The following ASB2 variants were observed in gnomAD, a reference collection of about 807,000 sequenced individuals.
The protein encoded by ASB2 is ankyrin repeat and SOCS box containing 2, also known as ankyrin repeat and SOCS box protein 2.
In ASB2, 58 loss-of-function variants were observed where a neutral mutation model predicts 62.4. That is an observed-to-expected ratio of 0.93 (90% CI 0.75 to 1.16). ASB2 has a LOEUF of 1.16. Among genes scored for constraint, ASB2 ranks in the 50% most tolerant of loss-of-function variants. The pLI, the probability that ASB2 is intolerant of heterozygous loss-of-function variation, is 0.00. For missense variants in ASB2, 928 were observed against 887.9 expected (o/e 1.05, Z -0.57); for synonymous variants, 386 against 385.3 (o/e 1.00, Z -0.02).
In ASB2 at chr14:93,956,798, G is replaced by C. The variant is rs1383807470; in HGVS notation, c.279C>G (p.Tyr93Ter). 6.2e-7 allele frequency: 1 copy of C among 1,614,244 alleles called. No homozygotes were observed. The highest frequency in any genetic ancestry group is 8.5e-7 in the Non-Finnish European group (1 of 1,180,046). The change falls in exon 3 of 10, where the codon TAC becomes TAG. Residue 93 changes from tyrosine (Y) to a stop codon, truncating the protein, a stop_gained. Transcript: ENST00000555019. LOFTEE classifies it high-confidence loss of function. ...GGGAGGTCTTGAACAAGCTGCTGCT[G>C]TATTTCTGCATGACCCCTTGGAACA... ...MGLFQGVMQK[Y>*]SSSLFKTSQL...
intron 1 of ASB2, among the ~76,000 whole-genome samples, chr14:93,967,867 A>G (rs1241563923): frequency 1.3e-5 from 2 of 151,960 alleles, no homozygotes; most frequent in African/African-American, 4.8e-5. Flanking sequence ...CAATTCTGCA[A>G]CTTACTAGCT....
At chr14:93,960,019 G>A (rs964906864) in intron 2 of ASB2, among the ~76,000 whole-genome samples, 2 of 150,842 alleles carry the variant, frequency 1.3e-5, no homozygotes, top group Non-Finnish European at 2.9e-5. Context: ...TCCACCCCAC[G>A]CCCACCACTG....
At chr14:93,955,928 C>G (rs1889178205) in intron 3 of ASB2, among the ~76,000 whole-genome samples, 1 of 152,166 alleles carries the variant, frequency 6.6e-6, no homozygotes, top group Non-Finnish European at 1.5e-5. Flanking sequence ...GTAGCTGAGA[C>G]CAGCTCTGGG....
Position 93,939,330 on chromosome 14 carries a change from C to A in ASB2, c.1395G>T (p.Ala465=), listed in dbSNP as rs767488258. Residue 465 remains alanine (A), a synonymous_variant, in exon 8 of 10, where the codon GCG becomes GCT. Coordinates refer to ENST00000555019, the MANE Select transcript of ASB2 (RefSeq NM_001202429.2). ...GCGTGGCGATATAGGCGTCGATGTT[C>A]GCGCCGTGGTCCAGCAGCAGCTGCA... The part of the protein sequence containing the change: ...RTMQLLLDHG[A]NIDAYIATHP... 1 of 1,610,820 alleles carries A rather than the reference C, an allele frequency of 6.2e-7. No individual in the cohort carries two copies. Among genetic ancestry groups the A allele is most frequent in the South Asian group, 1.1e-5 (1 of 90,942 alleles).
chr14:93,952,692 C>T (rs929384055), intron 5 of ASB2, among the ~76,000 whole-genome samples: 3 of 152,148 alleles, frequency 2.0e-5, no homozygotes, highest in African/African-American at 4.8e-5. Context: ...TGCCTTAGGT[C>T]CTCATATGTG....
At chr14:93,940,851 A>G (rs1420849829) in intron 7 of ASB2, among the ~76,000 whole-genome samples, 1 of 152,206 alleles carries the variant, frequency 6.6e-6, no homozygotes, top group Non-Finnish European at 1.5e-5. Context: ...AGCCCAGAGA[A>G]GGTATGTGAC....
rs774270676 is a variant in ASB2, at chr14:93,937,787, A to C, written c.1682T>G (p.Leu561Arg). The C allele has an allele frequency of 6.2e-7, 1 of 1,612,448 alleles. No individual in the cohort carries two copies. The highest frequency in any genetic ancestry group is 8.5e-7 in the Non-Finnish European group (1 of 1,178,576). The change falls in exon 9 of 10, where the codon CTG (leucine) becomes CGG (arginine). Residue 561 changes from leucine to arginine, a missense_variant. Physicochemically the swap from Leu to Arg is moderately radical, Grantham distance 102 (BLOSUM62 -2). Coordinates refer to ENST00000555019, the MANE Select transcript of ASB2 (RefSeq NM_001202429.2). ...RWAGPIIDVL[L>R]DYVGNVQLCS... Reference sequence around the variant, plus strand: ...GAGCTGCACGTTGCCCACGTAGTCCAGGAGGACATCGATGATGGGCCCCGC... The same window carrying C: ...GAGCTGCACGTTGCCCACGTAGTCCCGGAGGACATCGATGATGGGCCCCGC...
chr14:93,934,362 C>T lies in ASB2; in HGVS notation c.*294G>A. 2.3e-6 allele frequency: 1 copy of T among 437,912 alleles called. No homozygotes were observed. Among genetic ancestry groups the T allele is most frequent in the Non-Finnish European group, 4.3e-6 (1 of 234,164 alleles). The allele number at this position is 437,912 out of a possible 1,614,324, so 27.1% of individuals were successfully genotyped here. On this transcript the variant is annotated 3_prime_UTR_variant, in exon 10 of 10. Coordinates refer to ENST00000555019, the MANE Select transcript of ASB2 (RefSeq NM_001202429.2). ...ACCACCTTCCCCAGAACACCTCAAG[C>T]TCTGCCCTGGCCCCAGGAATAGAGG...
In ASB2 at chr14:93,938,356, T is replaced by C. The variant is rs549308453; in HGVS notation, c.1618-505A>G. On this transcript the variant is annotated intron_variant, in intron 8 of 9. Coordinates refer to ENST00000555019, the MANE Select transcript of ASB2 (RefSeq NM_001202429.2). Reference sequence around the variant, plus strand: ...CTGGGTGCACGTCATTCTCCTGCCTTAGCCTCCCGAGCACCTGGGACTACA... The same window carrying C: ...CTGGGTGCACGTCATTCTCCTGCCTCAGCCTCCCGAGCACCTGGGACTACA... Among the ~76,000 whole-genome samples, 3 of 150,040 alleles carry C rather than the reference T, an allele frequency of 2.0e-5. No homozygotes were observed. The East Asian group carries it at 6.3e-4, about 31-fold the overall frequency.
Position 93,956,958 on chromosome 14 carries a change from G to A in ASB2, c.207-88C>T, listed in dbSNP as rs779967090. On this transcript the variant is annotated intron_variant, in intron 2 of 9. Transcript: ENST00000555019. ...GGCTTCAGGCAGGAATGAGGATGGAGGGAGAGCCAGGGAGAGACTGACTGA... is the reference window on the plus strand; with the variant it reads ...GGCTTCAGGCAGGAATGAGGATGGAAGGAGAGCCAGGGAGAGACTGACTGA... 8.9e-6 allele frequency: 14 copies of A among 1,580,876 alleles called. No individual in the cohort carries two copies. The African/African-American group carries it at 1.6e-4, about 18-fold the overall frequency.
chr14:93,973,557 G>A (rs1461262997), intron 1 of ASB2, among the ~76,000 whole-genome samples: 1 of 152,194 alleles, frequency 6.6e-6, no homozygotes, highest in African/African-American at 2.4e-5. Flanking sequence ...CACCAGCTAA[G>A]AAAAGCACCC....
rs139130377 is a variant in ASB2 at position 93,957,402 on chromosome 14, A to G, written c.207-532T>C. On this transcript the variant is annotated intron_variant, in intron 2 of 9. Coordinates refer to ENST00000555019, the MANE Select transcript of ASB2 (RefSeq NM_001202429.2). ...TAGGGGATCTTGTCCCAGGGGTAGG[A>G]GCAGACACTATAGTAACCTCTATAG... 2.8e-3 allele frequency: 2,843 copies of G among 1,014,888 alleles called. 55 individuals carry two copies. In the African/African-American group the frequency reaches 0.045, roughly 16 times the overall value. The allele number at this position is 1,014,888 out of a possible 1,614,324, so 62.9% of individuals were successfully genotyped here.
rs561668273 is a variant in ASB2 at position 93,954,764 on chromosome 14, A to G, written c.312-281T>C. On this transcript the variant is annotated intron_variant, in intron 3 of 9. Transcript: ENST00000555019. ...TCCTAGAGGGTGGCTAACCACCCAC[A>G]TGTGAGGCACTTGTGATAATTAAAT... Among the ~76,000 whole-genome samples, 20 of 152,316 alleles carry G rather than the reference A, an allele frequency of 1.3e-4. No homozygotes were observed. In the South Asian group the frequency reaches 3.9e-3, roughly 30 times the overall value.
intron 1 of ASB2, among the ~76,000 whole-genome samples, chr14:93,966,642 G>A (rs1773059892): frequency 6.6e-6 from 1 of 152,210 alleles, no homozygotes. Context: ...GCCCACCCTA[G>A]CCTACTTGTT....
chr14:93,968,304 G>C (rs1227531005), intron 1 of ASB2: 2 of 152,224 alleles, frequency 1.3e-5, no homozygotes, highest in African/African-American at 4.8e-5. Flanking sequence ...CTGGAAGGTA[G>C]GAAGATTTTC....
rs1018482158 is a variant in ASB2, at chr14:93,934,755, C to T, written c.1809G>A (p.Arg603=). 3 of 1,613,528 alleles carry T rather than the reference C, an allele frequency of 1.9e-6. No individual in the cohort carries two copies. Among genetic ancestry groups the T allele is most frequent in the East Asian group, 2.2e-5 (1 of 44,896 alleles). ...PRPLAHLCRL[R]VRKAIGKYRI... ...GGTATTTCCCAATGGCCTTTCGAAC[C>T]CGCAGTCGGCAAAGGTGAGCCAGAG... The change falls in exon 10 of 10, where the codon CGG becomes CGA. Residue 603 remains arginine (R), a synonymous_variant. Coordinates refer to ENST00000555019, the MANE Select transcript of ASB2 (RefSeq NM_001202429.2).
chr14:93,958,902 A>G (rs1889314805), intron 2 of ASB2, among the ~76,000 whole-genome samples: 2 of 152,256 alleles, frequency 1.3e-5, no homozygotes, highest in African/African-American at 4.8e-5. Flanking sequence ...GCACTGGGAA[A>G]AAGCCCACTG....
intron 6 of ASB2, 129 bp downstream of exon 6, chr14:93,950,869 GA>G: frequency 9.4e-7 from 1 of 1,068,724 alleles, no homozygotes; most frequent in Non-Finnish European, 1.4e-6. Context: ...AGCACTCTAG[GA>G]GGAAACTCTC....
intron 1 of ASB2, among the ~76,000 whole-genome samples, chr14:93,967,693 C>A (rs543818083): frequency 6.6e-6 from 1 of 152,164 alleles, no homozygotes; most frequent in Non-Finnish European, 1.5e-5. Flanking sequence ...CTCAGCGAGA[C>A]GTTTGGTTTG....
Sources: allele counts gnomAD v4.1 joint callset (sites outside exome capture counted in the v4.1 genomes callset), GRCh38; gene constraint gnomAD v4.1.1; transcripts MANE v1.5; gene names NCBI Gene and HGNC (gene_info 2026-07-23, HGNC 2026-07-21).